The following NDRG1 variants were observed in gnomAD, a reference collection of about 807,000 sequenced individuals.
NDRG1 encodes the protein protein NDRG1.
In NDRG1, 32 loss-of-function variants were observed where a neutral mutation model predicts 56.9. That is an observed-to-expected ratio of 0.56 (90% CI 0.42 to 0.76). The LOEUF is 0.76. NDRG1 is among the 30% of genes least tolerant of loss of function. NDRG1 has a pLI of 0.00. For missense variants in NDRG1, 507 were observed against 545.7 expected (o/e 0.93, Z 0.71); for synonymous variants, 211 against 204.1 (o/e 1.03, Z -0.29).
intron 7 of NDRG1, 110 bp downstream of exon 7, chr8:133,258,256 A>T: frequency 9.2e-7 from 1 of 1,091,882 alleles, no homozygotes; most frequent in Non-Finnish European, 1.4e-6. Context: ...ACTGTGGAGA[A>T]TACGGGTCAT....
chr8:133,249,807 T>C (rs1050009731), intron 10 of NDRG1, among the ~76,000 whole-genome samples: 2 of 152,232 alleles, frequency 1.3e-5, no homozygotes, highest in Non-Finnish European at 2.9e-5. Flanking sequence ...TTATTAACAT[T>C]TGAGCAGAGA....
chr8:133,239,122 A>G lies in NDRG1; in HGVS notation c.944-3T>C. ...GCGGGTCATGCTAGCCGAGGGCACT[A>G]GGGGAACAAGAGACAGCCGGTTAGA... is the stretch of plus-strand genomic sequence containing the variant. On this transcript the variant is annotated splice_region_variant and splice_polypyrimidine_tract_variant and intron_variant, in intron 15 of 15. Transcript: ENST00000323851. The G allele has an allele frequency of 6.4e-7, 1 of 1,554,054 alleles. No homozygotes were observed. The highest frequency in any genetic ancestry group is 8.7e-7 in the Non-Finnish European group (1 of 1,148,364).
intron 1 of NDRG1, chr8:133,296,426 C>T: frequency 4.4e-6 from 2 of 454,454 alleles, no homozygotes; most frequent in South Asian, 1.6e-5. Flanking sequence ...CAGTGGCGCT[C>T]GCAGACACTT....
Position 133,242,061 on chromosome 8 carries a change from G to A in NDRG1, c.905C>T (p.Ala302Val), listed in dbSNP as rs1855415190. The A allele has an allele frequency of 6.2e-7, 1 of 1,614,228 alleles. No individual in the cohort carries two copies. Among genetic ancestry groups the A allele is most frequent in the South Asian group, 1.1e-5 (1 of 91,086 alleles). Residue 302 changes from alanine (A) to valine (V), a missense_variant, in exon 15 of 16, where the codon GCT becomes GTT. Ala to Val is a moderately conservative substitution (Grantham distance 64). Transcript: ENST00000323851. ...LPQISQPAKL[A>V]EAFKYFVQGM... ...CTGCACGAAGTACTTGAAGGCCTCA[G>A]CGAGCTTGGCCGGCTGCGAGAGACA...
rs181749836 is a variant in NDRG1, at chr8:133,245,501, G to A, written c.856-1111C>T. ...AGAAGAAGGAAATTTGGACATAGAC[G>A]CAGAGATACAATCGGGAGAGTGCTG... On this transcript the variant is annotated intron_variant, in intron 13 of 15. Transcript: ENST00000323851. 3.1e-3 allele frequency among the ~76,000 whole-genome samples: 465 copies of A among 152,208 alleles called. 1 individual carries two copies. The highest frequency in any genetic ancestry group is 6.8e-3 in the Middle Eastern group (2 of 294).
chr8:133,270,092 C>T (rs57878340), intron 3 of NDRG1, among the ~76,000 whole-genome samples: 2,677 of 152,376 alleles, frequency 0.018, 72 homozygotes, highest in African/African-American at 0.06. Context: ...CCTCCCCAGC[C>T]AGGCCGCCAA....
At chr8:133,262,812 G>T (rs1398138156) in intron 4 of NDRG1, among the ~76,000 whole-genome samples, 1 of 152,116 alleles carries the variant, frequency 6.6e-6, no homozygotes, top group African/African-American at 2.4e-5. Flanking sequence ...CACCATACCT[G>T]CCACCCAGAT....
intron 9 of NDRG1, 42 bp downstream of exon 9, chr8:133,254,497 T>C (rs776142749): frequency 1.9e-6 from 3 of 1,611,382 alleles, no homozygotes; most frequent in South Asian, 1.1e-5. Flanking sequence ...CACAATGCCT[T>C]GCTCAGCAGG....
intron 1 of NDRG1, among the ~76,000 whole-genome samples, chr8:133,291,785 G>A (rs1858442375): frequency 6.6e-6 from 1 of 152,182 alleles, no homozygotes; most frequent in South Asian, 2.1e-4. Flanking sequence ...GAATGAAAAA[G>A]GGATCACTAA....
chr8:133,293,173 C>T (rs1421409669), intron 1 of NDRG1, among the ~76,000 whole-genome samples: 2 of 152,248 alleles, frequency 1.3e-5, no homozygotes, highest in African/African-American at 2.4e-5. Context: ...TGTGGGGCCT[C>T]AGTGTCCCCA....
intron 13 of NDRG1, among the ~76,000 whole-genome samples, chr8:133,244,906 C>T (rs1438150829): frequency 6.6e-6 from 1 of 152,180 alleles, no homozygotes; most frequent in Non-Finnish European, 1.5e-5. Flanking sequence ...GTGAAATCAC[C>T]GAACCGCAAG....
In NDRG1 at chr8:133,280,303, G is replaced by GT. The variant is rs754836849; in HGVS notation, c.64-37dup. 3.4e-5 allele frequency: 55 copies of GT among 1,606,028 alleles called. No homozygotes were observed. In the South Asian group the frequency reaches 5.4e-4, roughly 16 times the overall value. ...ACAAAAAAAATTGTCAATTTCATCT[G>GT]TTTTCTCTGTAAGAGAAATAATATT... On this transcript the variant is annotated intron_variant, in intron 2 of 15. Coordinates refer to ENST00000323851, the MANE Select transcript of NDRG1 (RefSeq NM_006096.4).
At chr8:133,252,838 C>T (rs969837599) in intron 9 of NDRG1, among the ~76,000 whole-genome samples, 4 of 143,146 alleles carry the variant, frequency 2.8e-5, no homozygotes, top group African/African-American at 7.9e-5. Context: ...CTATTCCCCT[C>T]GTACACTCGC....
At chr8:133,252,910 A>G (rs1261247490) in intron 9 of NDRG1, among the ~76,000 whole-genome samples, 4 of 139,656 alleles carry the variant, frequency 2.9e-5, no homozygotes, top group East Asian at 2.3e-4. Context: ...TGGGGCCTCT[A>G]TTCCCCTGGT....
At chr8:133,242,580 A>G (rs1391686613) in intron 14 of NDRG1, among the ~76,000 whole-genome samples, 1 of 152,232 alleles carries the variant, frequency 6.6e-6, no homozygotes. Context: ...GGTCCTGTAC[A>G]TTAACCCAGG....
chr8:133,285,625 C>G (rs2130797990), intron 1 of NDRG1, among the ~76,000 whole-genome samples: 1 of 152,338 alleles, frequency 6.6e-6, no homozygotes, highest in South Asian at 2.1e-4. Flanking sequence ...ACCCCGGGTC[C>G]ATCCCTTGTG....
chr8:133,241,902 C>A (rs921745756), intron 15 of NDRG1, 121 bp downstream of exon 15: 1 of 1,197,960 alleles, frequency 8.3e-7, no homozygotes, highest in Non-Finnish European at 1.2e-6. Context: ...CTGTTTCCTC[C>A]CAGAAAGCTG....
chr8:133,251,480 C>T (rs1856040995), intron 9 of NDRG1, among the ~76,000 whole-genome samples: 1 of 152,198 alleles, frequency 6.6e-6, no homozygotes, highest in Non-Finnish European at 1.5e-5. Context: ...TCTGGGGGTA[C>T]CCTCAGACAC....
intron 3 of NDRG1, among the ~76,000 whole-genome samples, chr8:133,273,350 A>AATG (rs1282474687): frequency 1.3e-5 from 2 of 152,184 alleles, no homozygotes; most frequent in African/African-American, 4.8e-5. Flanking sequence ...CCCTTCCCCA[A>AATG]AACTCGTTAA....
Sources: gnomAD v4.1 joint callset for allele counts (sites outside exome capture counted in the v4.1 genomes callset) on GRCh38, gnomAD v4.1.1 for gene constraint, MANE v1.5 for transcripts, NCBI Gene and HGNC (gene_info 2026-07-23, HGNC 2026-07-21) for gene names.